The following CAPZB variants were observed in gnomAD, a reference collection of about 807,000 sequenced individuals.
The protein encoded by CAPZB is capping actin protein of muscle Z-line subunit beta.
A neutral mutation model predicts 38.1 loss-of-function variants in CAPZB; 2 were observed. The ratio of observed to expected loss-of-function variants is 0.05; its 90% CI spans 0.02 to 0.17. The LOEUF is 0.17. Among genes scored for constraint, CAPZB ranks in the 10% least tolerant of loss-of-function variants. CAPZB has a pLI of 1.00. For missense variants in CAPZB, 161 were observed against 334.2 expected (o/e 0.48, Z 4.04); for synonymous variants, 107 against 127.4 (o/e 0.84, Z 1.08).
chr1:19,407,209 C>A (rs2094336576), intron 2 of CAPZB, among the ~76,000 whole-genome samples: 1 of 152,204 alleles, frequency 6.6e-6, no homozygotes, highest in South Asian at 2.1e-4. Flanking sequence ...AGGAAGTCTG[C>A]AAAACAAATG....
At chr1:19,364,598 T>C (rs186802654) in intron 4 of CAPZB, among the ~76,000 whole-genome samples, 148 of 152,342 alleles carry the variant, frequency 9.7e-4, no homozygotes, top group Non-Finnish European at 1.9e-3. Context: ...TAATTCCTCA[T>C]ACGACTCAAT....
intron 8 of CAPZB, among the ~76,000 whole-genome samples, chr1:19,343,931 G>A (rs1395532083): frequency 6.6e-6 from 1 of 152,202 alleles, no homozygotes; most frequent in African/African-American, 2.4e-5. Context: ...GGCCCGGACT[G>A]AGGGCCCTGC....
chr1:19,448,164 G>A (rs1163242016), intron 1 of CAPZB, among the ~76,000 whole-genome samples: 1 of 152,234 alleles, frequency 6.6e-6, no homozygotes, highest in Non-Finnish European at 1.5e-5. Context: ...AGGATGGGAA[G>A]CCAAAATATC....
At chr1:19,350,507 G>A (rs147961848) in intron 6 of CAPZB, among the ~76,000 whole-genome samples, 38 of 152,374 alleles carry the variant, frequency 2.5e-4, no homozygotes, top group Middle Eastern at 3.4e-3. Flanking sequence ...GTGGTCAGAC[G>A]GCTTCCCAGG....
At chr1:19,456,997 G>A (rs1006308544) in intron 1 of CAPZB, among the ~76,000 whole-genome samples, 1 of 152,206 alleles carries the variant, frequency 6.6e-6, no homozygotes, top group African/African-American at 2.4e-5. Context: ...ATTACTTAGA[G>A]ATTAGCTCTG....
intron 2 of CAPZB, among the ~76,000 whole-genome samples, chr1:19,409,082 G>C (rs1261334855): frequency 6.6e-6 from 1 of 152,112 alleles, no homozygotes; most frequent in Non-Finnish European, 1.5e-5. Flanking sequence ...ATCCTTCCCA[G>C]GAAAACAATG....
chr1:19,370,486 G>A (rs542251416), intron 4 of CAPZB, among the ~76,000 whole-genome samples: 1 of 152,342 alleles, frequency 6.6e-6, no homozygotes, highest in Admixed American at 6.5e-5. Context: ...CCCCAGGGAT[G>A]GGCTTGACGG....
At chr1:19,358,084 G>C (rs1199598229) in intron 4 of CAPZB, among the ~76,000 whole-genome samples, 1 of 152,076 alleles carries the variant, frequency 6.6e-6, no homozygotes. Flanking sequence ...GGAAATGAAG[G>C]GCTCAGCTTG....
intron 8 of CAPZB, chr1:19,342,952 T>G: frequency 1.2e-6 from 1 of 832,080 alleles, no homozygotes; most frequent in South Asian, 1.4e-5. Context: ...GAGGAGGAAA[T>G]TCAGGGAGAC....
intron 4 of CAPZB, among the ~76,000 whole-genome samples, chr1:19,369,615 C>A (rs938259712): frequency 1.3e-5 from 2 of 152,242 alleles, no homozygotes; most frequent in Non-Finnish European, 2.9e-5. Context: ...GACGGCCTGG[C>A]TCCACCCTGC....
At chr1:19,340,694 A>C (rs764556388) in intron 8 of CAPZB, among the ~76,000 whole-genome samples, 4 of 152,204 alleles carry the variant, frequency 2.6e-5, no homozygotes, top group African/African-American at 9.7e-5. Context: ...AAGCGAAGTC[A>C]AGGCTTAAAA....
At chr1:19,377,859 C>A (rs2094151632) in intron 4 of CAPZB, among the ~76,000 whole-genome samples, 2 of 152,202 alleles carry the variant, frequency 1.3e-5, no homozygotes, top group Admixed American at 1.3e-4. Flanking sequence ...CTCAACAGAT[C>A]TAGCAAAACG....
At chr1:19,439,819 GCCAA>G (rs2094469842) in intron 1 of CAPZB, among the ~76,000 whole-genome samples, 1 of 152,158 alleles carries the variant, frequency 6.6e-6, no homozygotes, top group African/African-American at 2.4e-5. Flanking sequence ...CTTAATAGGC[GCCAA>G]CCATTTCAGA....
At chr1:19,471,844 A>T (rs542384407) in intron 1 of CAPZB, among the ~76,000 whole-genome samples, 3 of 112,524 alleles carry the variant, frequency 2.7e-5, no homozygotes, top group Non-Finnish European at 5.5e-5. Context: ...CCAGCCTGGG[A>T]GACAAAGCGA....
intron 2 of CAPZB, among the ~76,000 whole-genome samples, chr1:19,405,746 CTT>C (rs942412707): frequency 8.5e-5 from 13 of 152,194 alleles, no homozygotes; most frequent in African/African-American, 3.1e-4. Context: ...CTCCAAATCT[CTT>C]TTCGGAGGGG....
chr1:19,407,288 G>A (rs878953391), intron 2 of CAPZB, among the ~76,000 whole-genome samples: 4 of 152,160 alleles, frequency 2.6e-5, no homozygotes, highest in Admixed American at 2.6e-4. Context: ...CTGCATCAGG[G>A]TCATGAATAG....
At chr1:19,424,365 T>G (rs1409145994) in intron 1 of CAPZB, 1 of 152,124 alleles carries the variant, frequency 6.6e-6, no homozygotes, top group Non-Finnish European at 1.5e-5. Context: ...TTAAAGGTAA[T>G]AGAAAAAACT....
chr1:19,403,868 C>T (rs2094316064), intron 2 of CAPZB, among the ~76,000 whole-genome samples: 1 of 152,216 alleles, frequency 6.6e-6, no homozygotes, highest in African/African-American at 2.4e-5. Context: ...GCCTGAGCTG[C>T]ACCCAGTGCC....
intron 2 of CAPZB, among the ~76,000 whole-genome samples, chr1:19,387,275 G>A (rs989587568): frequency 1.3e-5 from 2 of 152,296 alleles, no homozygotes; most frequent in Admixed American, 1.3e-4. Flanking sequence ...CTCTAACTTT[G>A]GTTTAATGTC....
Sources: allele counts gnomAD v4.1 joint callset (sites outside exome capture counted in the v4.1 genomes callset), GRCh38; gene constraint gnomAD v4.1.1; transcripts MANE v1.5; gene names NCBI Gene and HGNC (gene_info 2026-07-23, HGNC 2026-07-21).